ELK3: variants seen among roughly 807,000 people sequenced by gnomAD.
ELK3 encodes ETS transcription factor ELK3, also known as ETS domain-containing protein Elk-3.
ELK3 carries 10 observed loss-of-function variants against 28.9 expected under a neutral mutation model. That is an observed-to-expected ratio of 0.35 (90% CI 0.21 to 0.59). The LOEUF is 0.59. ELK3 is among the 20% of genes least tolerant of loss of function. ELK3 has a pLI of 0.82. For synonymous variants in ELK3, 272 were observed against 243.5 expected, an observed-to-expected ratio of 1.12 and a Z score of -1.09; for missense variants, 463 against 517.3, an observed-to-expected ratio of 0.90 and a Z score of 1.02.
intron 4 of ELK3, among the ~76,000 whole-genome samples, chr12:96,262,508 T>A (rs1201310258): frequency 6.6e-6 from 1 of 152,208 alleles, no homozygotes; most frequent in Non-Finnish European, 1.5e-5. Context: ...CCATTCAGAA[T>A]ACAACCCTTG....
At chr12:96,232,843 C>T (rs960932826) in intron 2 of ELK3, among the ~76,000 whole-genome samples, 12 of 151,790 alleles carry the variant, frequency 7.9e-5, no homozygotes, top group Non-Finnish European at 2.9e-5. Flanking sequence ...TTGTGCGCAC[C>T]TGTAGTCCTA....
chr12:96,222,720 C>T (rs553831844), intron 1 of ELK3: 2 of 152,188 alleles, frequency 1.3e-5, no homozygotes, highest in African/African-American at 4.8e-5. Context: ...GTATGGGGTC[C>T]AGCATTTTAG....
chr12:96,239,049 G>A (rs1315066140), intron 2 of ELK3, among the ~76,000 whole-genome samples: 1 of 151,948 alleles, frequency 6.6e-6, no homozygotes, highest in Non-Finnish European at 1.5e-5. Flanking sequence ...GTGTGACCTT[G>A]GGCTAGTCAG....
chr12:96,261,017 C>T (rs1486583781), intron 4 of ELK3, among the ~76,000 whole-genome samples: 1 of 152,160 alleles, frequency 6.6e-6, no homozygotes, highest in Admixed American at 6.5e-5. Context: ...TAATAATTGA[C>T]TGTCTAAATG....
chr12:96,196,429 G>C (rs1028971681), intron 1 of ELK3, among the ~76,000 whole-genome samples: 5 of 146,158 alleles, frequency 3.4e-5, no homozygotes, highest in African/African-American at 5.1e-5. Flanking sequence ...GGTGGGGGGG[G>C]TGTGGAGCAT....
intron 2 of ELK3, among the ~76,000 whole-genome samples, chr12:96,237,022 G>A (rs964225949): frequency 6.6e-6 from 1 of 152,150 alleles, no homozygotes; most frequent in East Asian, 1.9e-4. Context: ...CCTTCCCTGT[G>A]TGTGTCTTTC....
intron 1 of ELK3, among the ~76,000 whole-genome samples, chr12:96,210,261 T>C (rs137974025): frequency 4.6e-5 from 7 of 152,186 alleles, no homozygotes; most frequent in African/African-American, 1.7e-4. Context: ...TTTCGGGGCA[T>C]GTTGTGGTCC....
chr12:96,232,631 G>A (rs1361594025), intron 2 of ELK3, among the ~76,000 whole-genome samples: 3 of 150,926 alleles, frequency 2.0e-5, no homozygotes, highest in Non-Finnish European at 4.4e-5. Context: ...ATGGGGGAGG[G>A]GGCGGGGAAT....
intron 1 of ELK3, among the ~76,000 whole-genome samples, chr12:96,205,707 G>C (rs987825345): frequency 6.6e-6 from 1 of 152,282 alleles, no homozygotes. Flanking sequence ...AGTGACACCC[G>C]AGTGAGGGTT....
At chr12:96,246,093 T>C (rs941191583) in intron 2 of ELK3, among the ~76,000 whole-genome samples, 6 of 152,236 alleles carry the variant, frequency 3.9e-5, no homozygotes, top group African/African-American at 1.2e-4. Context: ...ATAACTTGCA[T>C]TTTATAATGC....
At chr12:96,213,574 T>C (rs1303707464) in intron 1 of ELK3, among the ~76,000 whole-genome samples, 6 of 152,186 alleles carry the variant, frequency 3.9e-5, no homozygotes, top group Non-Finnish European at 8.8e-5. Context: ...TACTCACCCA[T>C]ATAAAAGTCA....
chr12:96,223,899 A>T, intron 2 of ELK3, 126 bp downstream of exon 2: 1 of 957,072 alleles, frequency 1.0e-6, no homozygotes. Flanking sequence ...GGCAGTGCAT[A>T]CCTTCTTTTT....
At chr12:96,242,758 T>TA (rs1441187997) in intron 2 of ELK3, among the ~76,000 whole-genome samples, 1 of 152,172 alleles carries the variant, frequency 6.6e-6, no homozygotes, top group Admixed American at 6.5e-5. Context: ...CTGACCCACT[T>TA]ACTGTACCCG....
At chr12:96,259,647 A>G (rs1253287794) in intron 3 of ELK3, 84 bp from the exon 4 acceptor site, 3 of 1,462,094 alleles carry the variant, frequency 2.1e-6, no homozygotes, top group Non-Finnish European at 2.7e-6. Context: ...TGCCTAGCCT[A>G]CCTAACCTCT....
chr12:96,215,629 CTTT>C (rs10611662), intron 1 of ELK3, among the ~76,000 whole-genome samples: 41,496 of 133,268 alleles, frequency 0.31, 6,561 homozygotes, highest in East Asian at 0.58. Flanking sequence ...GACATAAAAC[CTTT>C]TTTTTTTTTT....
intron 4 of ELK3, among the ~76,000 whole-genome samples, chr12:96,262,967 G>A (rs549906304): frequency 2.0e-5 from 3 of 152,028 alleles, no homozygotes; most frequent in African/African-American, 7.2e-5. Context: ...CTTTTAAACT[G>A]ATGAAAATAA....
chr12:96,256,411 C>G (rs1951949448), intron 3 of ELK3, among the ~76,000 whole-genome samples: 1 of 152,084 alleles, frequency 6.6e-6, no homozygotes, highest in African/African-American at 2.4e-5. Context: ...TGAGGCAGTG[C>G]CTACACGGTG....
At chr12:96,235,133 C>T (rs1185305807) in intron 2 of ELK3, among the ~76,000 whole-genome samples, 1 of 152,098 alleles carries the variant, frequency 6.6e-6, no homozygotes, top group Non-Finnish European at 1.5e-5. Flanking sequence ...CTCTCGGCGG[C>T]CTCCAGGAAG....
chr12:96,227,805 A>C (rs1030946514), intron 2 of ELK3, among the ~76,000 whole-genome samples: 4 of 152,154 alleles, frequency 2.6e-5, no homozygotes, highest in African/African-American at 7.2e-5. Context: ...GTGTTGCCTA[A>C]TCTCTCTGAG....
Sources: gnomAD v4.1 joint callset for allele counts (sites outside exome capture counted in the v4.1 genomes callset) on GRCh38, gnomAD v4.1.1 for gene constraint, MANE v1.5 for transcripts, NCBI Gene and HGNC (gene_info 2026-07-23, HGNC 2026-07-21) for gene names.